The following LMBRD1 variants were observed in gnomAD, a reference collection of about 807,000 sequenced individuals.
LMBRD1 encodes the protein lysosomal cobalamin transport escort protein LMBD1.
LMBRD1 carries 64 observed loss-of-function variants against 74.8 expected under a neutral mutation model. That is an observed-to-expected ratio of 0.86 (90% CI 0.70 to 1.05). The LOEUF (loss-of-function observed/expected upper bound fraction) is 1.05. Among genes scored for constraint, LMBRD1 ranks in the 50% least tolerant of loss-of-function variants. The pLI is 0.00. For missense variants in LMBRD1, 652 were observed against 645.9 expected, an observed-to-expected ratio of 1.01 and a Z score of -0.10; for synonymous variants, 204 against 216.3, an observed-to-expected ratio of 0.94 and a Z score of 0.50.
At position 69,752,242 on chromosome 6, in the gene LMBRD1, A is replaced by T. The variant is rs978789765; in HGVS notation, c.405+17T>A. On this transcript the variant is annotated intron_variant, in intron 4 of 15. Coordinates refer to ENST00000649934, the MANE Select transcript of LMBRD1 (RefSeq NM_018368.4). ...TTTTCTTTCCTAAACTAAGGCCTCT[A>T]AAATAAAGATACTTACAGTACATTT... 7 of 1,604,230 alleles carry T rather than the reference A, an allele frequency of 4.4e-6. No individual in the cohort carries two copies. Among genetic ancestry groups the T allele is most frequent in the Non-Finnish European group, 6.0e-6 (7 of 1,173,100 alleles).
At chr6:69,694,373 GT>G (rs1478193735) in intron 14 of LMBRD1, among the ~76,000 whole-genome samples, 1 of 152,078 alleles carries the variant, frequency 6.6e-6, no homozygotes. Flanking sequence ...TTTTCAATCT[GT>G]TTTCATCCAG....
chr6:69,703,197 G>C (rs1056833319), intron 9 of LMBRD1, among the ~76,000 whole-genome samples: 2 of 152,020 alleles, frequency 1.3e-5, no homozygotes, highest in African/African-American at 2.4e-5. Flanking sequence ...AGTAACAACT[G>C]CTCATTAGTA....
At position 69,676,184 on chromosome 6, in the gene LMBRD1, C is replaced by A. The variant is rs760031307; in HGVS notation, c.1597G>T (p.Asp533Tyr). 2.5e-6 allele frequency: 4 copies of A among 1,613,324 alleles called. No individual in the cohort carries two copies. In the South Asian group the frequency reaches 4.4e-5, roughly 18 times the overall value. Residue 533 changes from aspartate (D) to tyrosine (Y), a missense_variant, in exon 16 of 16, where the codon GAT (aspartate) becomes TAT (tyrosine). Coordinates refer to ENST00000649934, the MANE Select transcript of LMBRD1 (RefSeq NM_018368.4). Reference sequence around the variant, plus strand: ...CAAGCAGAATAGACAGAGGGCTCATCATCACTTATGTCTGAATCTTCATCT... The same window carrying A: ...CAAGCAGAATAGACAGAGGGCTCATAATCACTTATGTCTGAATCTTCATCT... ...GVDEDSDISD[D>Y]EPSVYSA is the part of the protein sequence containing the mutation.
intron 9 of LMBRD1, among the ~76,000 whole-genome samples, chr6:69,710,963 GAAAT>G (rs977436692): frequency 2.7e-5 from 4 of 150,840 alleles, no homozygotes; most frequent in Non-Finnish European, 5.9e-5. Flanking sequence ...TTATCCAAAA[GAAAT>G]GAATGAAAGC....
intron 7 of LMBRD1, among the ~76,000 whole-genome samples, chr6:69,729,042 CTAAT>C (rs1766796431): frequency 6.6e-6 from 1 of 151,798 alleles, no homozygotes; most frequent in Admixed American, 6.6e-5. Context: ...GGAAAAGACT[CTAAT>C]TAATGTAATT....
intron 14 of LMBRD1, among the ~76,000 whole-genome samples, chr6:69,692,934 A>C (rs528218921): frequency 6.6e-6 from 1 of 152,126 alleles, no homozygotes; most frequent in East Asian, 1.9e-4. Flanking sequence ...AATGTCTTCT[A>C]TTTTTGTCCA....
intron 9 of LMBRD1, among the ~76,000 whole-genome samples, chr6:69,711,585 A>G (rs1273294725): frequency 1.3e-5 from 2 of 152,198 alleles, no homozygotes; most frequent in Non-Finnish European, 2.9e-5. Flanking sequence ...AGTGCTATGA[A>G]GACAAATCAC....
chr6:69,715,278 C>G (rs1450016691), intron 8 of LMBRD1, among the ~76,000 whole-genome samples: 2 of 151,914 alleles, frequency 1.3e-5, no homozygotes, highest in Admixed American at 6.6e-5. Context: ...GTAATTTTGT[C>G]TCAATGCTGG....
chr6:69,775,044 A>AAGG (rs1463851309), intron 3 of LMBRD1, among the ~76,000 whole-genome samples: 2 of 149,278 alleles, frequency 1.3e-5, no homozygotes, highest in Non-Finnish European at 3.0e-5. Flanking sequence ...GGAAGGAAGG[A>AAGG]AAAGATGAAG....
chr6:69,786,205 A>C (rs1420463813), intron 2 of LMBRD1, among the ~76,000 whole-genome samples: 1 of 152,218 alleles, frequency 6.6e-6, no homozygotes, highest in Non-Finnish European at 1.5e-5. Flanking sequence ...CTATATATTT[A>C]GTAAATATTA....
intron 3 of LMBRD1, among the ~76,000 whole-genome samples, chr6:69,753,812 G>C (rs1476071866): frequency 6.6e-6 from 1 of 152,010 alleles, no homozygotes; most frequent in African/African-American, 2.4e-5. Flanking sequence ...GTGGTCGTGG[G>C]CACCTGTATT....
rs1178204809 is a variant in LMBRD1, at chr6:69,674,506, CAA to C, written c.*1650_*1651del. 6.6e-6 allele frequency among the ~76,000 whole-genome samples: 1 copy of C among 151,904 alleles called. No individual in the cohort carries two copies. Among genetic ancestry groups the C allele is most frequent in the African/African-American group, 2.4e-5 (1 of 41,340 alleles). Reference sequence around the variant, plus strand: ...ATCAAGTGTCTGCGGTGCCATTTGTCAAAAAAATGAATGCAGAAGAAGGCTTA... The same window carrying C: ...ATCAAGTGTCTGCGGTGCCATTTGTCAAAAATGAATGCAGAAGAAGGCTTA... On this transcript the variant is annotated 3_prime_UTR_variant, in exon 16 of 16. Coordinates refer to ENST00000649934, the MANE Select transcript of LMBRD1 (RefSeq NM_018368.4).
intron 7 of LMBRD1, among the ~76,000 whole-genome samples, chr6:69,728,640 A>G (rs1766787610): frequency 1.3e-5 from 2 of 152,192 alleles, no homozygotes; most frequent in African/African-American, 2.4e-5. Flanking sequence ...TTTACAGTCT[A>G]CTGTCAAACA....
At chr6:69,779,117 C>T (rs758648294) in intron 3 of LMBRD1, among the ~76,000 whole-genome samples, 5 of 145,600 alleles carry the variant, frequency 3.4e-5, no homozygotes, top group African/African-American at 7.8e-5. Flanking sequence ...ACCCATGAGG[C>T]GGAGGCTGCA....
chr6:69,738,167 T>A, intron 6 of LMBRD1, 152 bp from the exon 7 acceptor site: 1 of 557,096 alleles, frequency 1.8e-6, no homozygotes, highest in Non-Finnish European at 3.2e-6. Context: ...TAACTCCAAG[T>A]GGAGAAAAGA....
chr6:69,741,812 A>G lies in LMBRD1; in HGVS notation c.539T>C (p.Leu180Pro). Residue 180 changes from leucine (L) to proline (P), a missense_variant, in exon 6 of 16, where the codon CTA (leucine) becomes CCA (proline). Leu to Pro is a moderately conservative substitution (Grantham distance 98). Coordinates refer to ENST00000649934, the MANE Select transcript of LMBRD1 (RefSeq NM_018368.4). ...ACGACTACTTCCAAGTTCTTCAAAT[A>G]GGGACTTCACTTTTTCCCACTCTGT... is the stretch of plus-strand genomic sequence containing the variant. The part of the protein sequence containing the change: ...NSTEWEKVKS[L>P]FEELGSSHGL... 6.3e-7 allele frequency: 1 copy of G among 1,599,506 alleles called. No homozygotes were observed. The highest frequency in any genetic ancestry group is 1.7e-5 in the Admixed American group (1 of 60,006).
chr6:69,795,712 C>T (rs1028373147), intron 1 of LMBRD1, among the ~76,000 whole-genome samples: 3 of 152,156 alleles, frequency 2.0e-5, no homozygotes, highest in African/African-American at 7.2e-5. Context: ...AGGGTAAAGG[C>T]AGTGTTTTTA....
chr6:69,744,452 T>C (rs1037986159), intron 5 of LMBRD1, among the ~76,000 whole-genome samples: 1 of 152,244 alleles, frequency 6.6e-6, no homozygotes, highest in Non-Finnish European at 1.5e-5. Context: ...TTTTCCCTCA[T>C]GCCCTTGAAA....
At position 69,676,260 on chromosome 6, in the gene LMBRD1, A is replaced by C; in HGVS notation, c.1521T>G (p.Ile507Met). The change falls in exon 16 of 16, where the codon ATT (isoleucine) becomes ATG (methionine). Residue 507 changes from isoleucine (I) to methionine (M), a missense_variant. Around this residue, in one of 3 missense-constraint regions of LMBRD1, gnomAD observed 51 missense variants for 46.9 expected, o/e 1.09. Coordinates refer to ENST00000649934, the MANE Select transcript of LMBRD1 (RefSeq NM_018368.4). Reference sequence around the variant, plus strand: ...CTTTACAACAGGATACAATTAATCCAATCAAAAATACCTGTAAATTTAAAT... The same window carrying C: ...CTTTACAACAGGATACAATTAATCCCATCAAAAATACCTGTAAATTTAAAT... ...GNWAFLGVFLIGLIVSCCKGK... is the reference protein window; with the variant it reads ...GNWAFLGVFLMGLIVSCCKGK... 4.3e-6 allele frequency: 7 copies of C among 1,613,062 alleles called. No homozygotes were observed. The highest frequency in any genetic ancestry group is 5.9e-6 in the Non-Finnish European group (7 of 1,179,482).
Sources: gnomAD v4.1 joint callset for allele counts (sites outside exome capture counted in the v4.1 genomes callset) on GRCh38, gnomAD v4.1.1 for gene constraint, gnomAD v4.1.1 regional missense constraint, MANE v1.5 for transcripts, NCBI Gene and HGNC (gene_info 2026-07-23, HGNC 2026-07-21) for gene names.